PIEZO2: variants seen among roughly 807,000 people sequenced by gnomAD.
PIEZO2 encodes piezo-type mechanosensitive ion channel component 2.
PIEZO2 carries 172 observed loss-of-function variants against 337.3 expected under a neutral mutation model. The observed-to-expected ratio is 0.51, with a 90% CI of 0.45 to 0.58. The LOEUF is 0.58. PIEZO2 is among the 20% of genes least tolerant of loss of function. The pLI, the probability that PIEZO2 is intolerant of heterozygous loss-of-function variation, is 0.00. For missense variants in PIEZO2, 3,028 were observed against 3,391.3 expected, an observed-to-expected ratio of 0.89 and a Z score of 2.66; for synonymous variants, 1,251 against 1,228.5, an observed-to-expected ratio of 1.02 and a Z score of -0.38.
chr18:10,948,336 T>C (rs1282602484), intron 3 of PIEZO2, among the ~76,000 whole-genome samples: 2 of 152,200 alleles, frequency 1.3e-5, no homozygotes, highest in Admixed American at 6.5e-5. Context: ...CTTTACGAGA[T>C]AAAATTAATT....
At chr18:11,134,130 T>C (rs1005638611) in intron 1 of PIEZO2, among the ~76,000 whole-genome samples, 15 of 152,222 alleles carry the variant, frequency 9.9e-5, no homozygotes, top group South Asian at 4.2e-4. Context: ...GAAGGGACAT[T>C]ACAGAGAAAT....
chr18:11,094,620 C>T lies in PIEZO2; in HGVS notation c.65-28398G>A, dbSNP rs941705752. 6.6e-5 allele frequency among the ~76,000 whole-genome samples: 10 copies of T among 152,206 alleles called. No homozygotes were observed. Among genetic ancestry groups the T allele is most frequent in the African/African-American group, 2.4e-4 (10 of 41,446 alleles). ...GACAGATGGCAACGGCACCCTGGCC[C>T]TTCCTACCTAACTCCAGCTGCTCTT... On this transcript the variant is annotated intron_variant, in intron 1 of 55. Transcript: ENST00000674853. The surrounding 1 kb of genome is among the most constrained non-coding windows in gnomAD (Gnocchi z 4.4).
chr18:11,149,438 C>A lies in PIEZO2; in HGVS notation c.-850G>T, dbSNP rs1346771720. Reference sequence around the variant, plus strand: ...GGGTCTCCCACTCCCTCCTCCACCGCCTCAATTTAAAACTCAAGAGAAAAA... The same window carrying A: ...GGGTCTCCCACTCCCTCCTCCACCGACTCAATTTAAAACTCAAGAGAAAAA... On this transcript the variant is annotated 5_prime_UTR_variant, in exon 1 of 56. Transcript: ENST00000674853. This position sits in a 1 kb window ranked among gnomAD's most constrained non-coding sequence, Gnocchi z 8.7. 2.6e-5 allele frequency among the ~76,000 whole-genome samples: 4 copies of A among 152,052 alleles called. No individual in the cohort carries two copies. Among genetic ancestry groups the A allele is most frequent in the African/African-American group, 9.7e-5 (4 of 41,444 alleles).
At chr18:10,728,954 CAAAAAAAAAAA>C (rs143511795) in intron 36 of PIEZO2, among the ~76,000 whole-genome samples, 3 of 75,632 alleles carry the variant, frequency 4.0e-5, no homozygotes, top group East Asian at 6.4e-4. Context: ...GACTCTGTCT[CAAAAAAAAAAA>C]AAAAAAAAAC....
At chr18:10,825,039 T>C (rs1277813321) in intron 7 of PIEZO2, among the ~76,000 whole-genome samples, 1 of 152,126 alleles carries the variant, frequency 6.6e-6, no homozygotes, top group Non-Finnish European at 1.5e-5. Flanking sequence ...AATTTTTGTA[T>C]GTTTCATAGA....
Position 10,748,484 on chromosome 18 carries a change from T to G in PIEZO2, c.4411A>C (p.Ile1471Leu). 1 of 1,537,038 alleles carries G rather than the reference T, an allele frequency of 6.5e-7. No homozygotes were observed. The highest frequency in any genetic ancestry group is 2.4e-5 in the East Asian group (1 of 40,904). Residue 1471 changes from isoleucine (I) to leucine (L), a missense_variant, in exon 30 of 56, where the codon ATT (isoleucine) becomes CTT (leucine). Transcript: ENST00000674853. This position sits in a 1 kb window ranked among gnomAD's most constrained non-coding sequence, Gnocchi z 5.1. ...HVVADIKASQ[I>L]LASRGAELFQ... ...GGCCTGACCCACCTTGATGCCAGAA[T>G]CTGGGAAGCTTTTATATCAGCCACA...
intron 49 of PIEZO2, among the ~76,000 whole-genome samples, chr18:10,688,226 G>A (rs548375529): frequency 2.6e-5 from 4 of 151,950 alleles, no homozygotes; most frequent in South Asian, 2.1e-4. Context: ...CTCATTGTTC[G>A]GCTCCCGCTT....
In PIEZO2 at chr18:10,813,394, TA is replaced by T. The variant is rs1382991093; in HGVS notation, c.918-6121del. On this transcript the variant is annotated intron_variant, in intron 7 of 55. Coordinates refer to ENST00000674853, the MANE Select transcript of PIEZO2 (RefSeq NM_001378183.1). This position sits in a 1 kb window ranked among gnomAD's most constrained non-coding sequence, Gnocchi z 4.2. ...AAACTAAAATTCTGTACACATTAAA[TA>T]AAAACTCCCTATTCCCTTCTCCTCC... 6.6e-6 allele frequency among the ~76,000 whole-genome samples: 1 copy of T among 152,308 alleles called. No homozygotes were observed. The highest frequency in any genetic ancestry group is 2.4e-5 in the African/African-American group (1 of 41,564).
chr18:10,674,182 G>A (rs2033895468), intron 54 of PIEZO2, among the ~76,000 whole-genome samples: 1 of 152,210 alleles, frequency 6.6e-6, no homozygotes, highest in South Asian at 2.1e-4. Flanking sequence ...ACAGGAACAG[G>A]AAGAATGTTG....
chr18:10,855,407 A>G lies in PIEZO2; in HGVS notation c.863T>C (p.Leu288Ser). ...FTAGHLIGLY[L>S]YQFQFFQEAV... ...CTCTTGAAAGAATTGGAACTGGTAT[A>G]AATAAAGTCCAATCAAATGTCCAGC... The change falls in exon 7 of 56, where the codon TTA (leucine) becomes TCA (serine). Residue 288 changes from leucine to serine, a missense_variant. Leu to Ser is a moderately radical substitution (Grantham distance 145). Coordinates refer to ENST00000674853, the MANE Select transcript of PIEZO2 (RefSeq NM_001378183.1). This position sits in a 1 kb window ranked among gnomAD's most constrained non-coding sequence, Gnocchi z 4.9. The G allele has an allele frequency of 2.0e-6, 3 of 1,537,186 alleles. No homozygotes were observed. Among genetic ancestry groups the G allele is most frequent in the Non-Finnish European group, 2.6e-6 (3 of 1,146,862 alleles).
intron 4 of PIEZO2, chr18:10,908,484 G>C (rs2030161283): frequency 6.6e-6 from 1 of 152,198 alleles, no homozygotes; most frequent in Non-Finnish European, 1.5e-5. Context: ...TTCCCTTTAA[G>C]AGAAAGAACA....
Position 10,702,152 on chromosome 18 carries a change from T to C in PIEZO2, c.6278A>G (p.Tyr2093Cys), listed in dbSNP as rs1325923061. 4 of 1,536,672 alleles carry C rather than the reference T, an allele frequency of 2.6e-6. No individual in the cohort carries two copies. Among genetic ancestry groups the C allele is most frequent in the Non-Finnish European group, 3.5e-6 (4 of 1,146,786 alleles). The change falls in exon 43 of 56, where the codon TAT (tyrosine) becomes TGT (cysteine). Residue 2093 changes from tyrosine to cysteine, a missense_variant. By Grantham distance (194) the Tyr-to-Cys change is radical. This residue lies in a region of PIEZO2 where 1,925 missense variants were observed against 2,051.9 expected (regional missense o/e 0.94). Transcript: ENST00000674853. ...GGGAAAGAACCCAAATTGGAAGAAATACTTGACTACAATTGCCACCTACGC... is the reference window on the plus strand; with the variant it reads ...GGGAAAGAACCCAAATTGGAAGAAACACTTGACTACAATTGCCACCTACGC... ...VYTEVAIVVK[Y>C]FFQFGFFPWN...
intron 1 of PIEZO2, 69 bp from the exon 2 acceptor site, chr18:11,066,291 C>A: frequency 8.0e-7 from 1 of 1,245,798 alleles, no homozygotes; most frequent in Non-Finnish European, 1.1e-6. Flanking sequence ...ACCAGGGGTG[C>A]ATAACAAAAG....
intron 35 of PIEZO2, among the ~76,000 whole-genome samples, 177 bp from the exon 36 acceptor site, chr18:10,731,698 T>G (rs1297863442): frequency 1.3e-5 from 2 of 152,168 alleles, no homozygotes; most frequent in Non-Finnish European, 2.9e-5. Flanking sequence ...CAACAGATGT[T>G]GTAGTAATAT....
rs771804842 is a variant in PIEZO2 at position 10,828,125 on chromosome 18, TG to T, written c.918-20852del. On this transcript the variant is annotated intron_variant, in intron 7 of 55. Coordinates refer to ENST00000674853, the MANE Select transcript of PIEZO2 (RefSeq NM_001378183.1). The surrounding 1 kb of genome is among the most constrained non-coding windows in gnomAD (Gnocchi z 4.1). ...TCGAAATAGCATGACGGTTTTTTTTTGTTTGTTTGTTTTTGTTTTTTTTTTT... is the reference window on the plus strand; with the variant it reads ...TCGAAATAGCATGACGGTTTTTTTTTTTTGTTTGTTTTTGTTTTTTTTTTT... 5.7e-5 allele frequency among the ~76,000 whole-genome samples: 6 copies of T among 105,878 alleles called. No individual in the cohort carries two copies. Among genetic ancestry groups the T allele is most frequent in the African/African-American group, 2.2e-4 (6 of 27,210 alleles). The allele number at this position is 105,878 out of a possible 152,430, so 69.5% of individuals were successfully genotyped here.
At chr18:11,051,364 T>TGTGTGTGTGTGTGG (rs1288310705) in intron 2 of PIEZO2, among the ~76,000 whole-genome samples, 5 of 151,972 alleles carry the variant, frequency 3.3e-5, no homozygotes, top group East Asian at 3.9e-4. Context: ...TGTGTGTGTG[T>TGTGTGTGTGTGTGG]GTGTGGGTGT....
chr18:11,114,356 T>C (rs2039822928), intron 1 of PIEZO2, among the ~76,000 whole-genome samples: 1 of 152,180 alleles, frequency 6.6e-6, no homozygotes. Flanking sequence ...TCTTCACTAA[T>C]AAAGGATTTT....
In PIEZO2 at chr18:10,677,421, T is replaced by C. The variant is rs2034059797; in HGVS notation, c.8081+326A>G. On this transcript the variant is annotated intron_variant, in intron 53 of 55. Coordinates refer to ENST00000674853, the MANE Select transcript of PIEZO2 (RefSeq NM_001378183.1). The surrounding 1 kb of genome is among the most constrained non-coding windows in gnomAD (Gnocchi z 4.1). The stretch of plus-strand genomic sequence containing the variant: ...TCAGTAGAGACAGGGTTTCACCATG[T>C]TGGTCAGGCTGGTCTTGAACTCCCG... 1 of 238,614 alleles carries C rather than the reference T, an allele frequency of 4.2e-6. No individual in the cohort carries two copies. The highest frequency in any genetic ancestry group is 8.1e-6 in the Non-Finnish European group (1 of 122,802). 14.8% of individuals were successfully genotyped at this position (238,614 alleles called of 1,614,324 possible).
intron 36 of PIEZO2, among the ~76,000 whole-genome samples, chr18:10,720,559 G>A (rs2036268396): frequency 6.8e-6 from 1 of 147,570 alleles, no homozygotes; most frequent in Admixed American, 6.9e-5. Flanking sequence ...CAGGGCCCAA[G>A]TGATCCTCCC....
Sources: gnomAD v4.1 joint callset for allele counts (sites outside exome capture counted in the v4.1 genomes callset) on GRCh38, gnomAD v4.1.1 for gene constraint, gnomAD v4.1.1 regional missense constraint, Gnocchi (gnomAD v3.1) non-coding constraint, MANE v1.5 for transcripts, NCBI Gene and HGNC (gene_info 2026-07-23, HGNC 2026-07-21) for gene names.